The following TSPAN9 variants were observed in gnomAD, a reference collection of about 807,000 sequenced individuals.
TSPAN9 encodes the protein tetraspanin-9.
TSPAN9 carries 16 observed loss-of-function variants against 31.0 expected under a neutral mutation model. The observed-to-expected ratio is 0.52, with a 90% CI of 0.35 to 0.78. TSPAN9 has a LOEUF of 0.78. Ranked by LOEUF, TSPAN9 falls within the 30% of genes least tolerant of loss-of-function variation. The probability of loss-of-function intolerance (pLI) is 0.01; values close to 1 mark genes in which losing one functional copy is unlikely to be tolerated. For synonymous variants in TSPAN9, 145 were observed against 121.6 expected, an observed-to-expected ratio of 1.19 and a Z score of -1.27; for missense variants, 272 against 312.5, an observed-to-expected ratio of 0.87 and a Z score of 0.98.
intron 2 of TSPAN9, among the ~76,000 whole-genome samples, chr12:3,127,419 A>G (rs1309770528): frequency 6.6e-6 from 1 of 151,522 alleles, no homozygotes; most frequent in African/African-American, 2.4e-5. Flanking sequence ...GCAGGGGCGC[A>G]ATCTCGGCTC....
intron 2 of TSPAN9, among the ~76,000 whole-genome samples, chr12:3,116,418 A>G (rs917122281): frequency 6.6e-5 from 10 of 152,176 alleles, no homozygotes; most frequent in African/African-American, 2.4e-4. Context: ...CTAGGTTCTG[A>G]TGAAGATGAA....
Position 3,279,453 on chromosome 12 carries a change from C to T in TSPAN9, c.330+387C>T, listed in dbSNP as rs572758635. On this transcript the variant is annotated intron_variant, in intron 5 of 8. Coordinates refer to ENST00000011898, the MANE Select transcript of TSPAN9 (RefSeq NM_006675.5). The stretch of plus-strand genomic sequence containing the variant: ...TGGGCTGGGTGATTTGAGAGCAAAC[C>T]ATGAAAAACAAGGAGGAACTCTCTG... Among the ~76,000 whole-genome samples the T allele has an allele frequency of 2.0e-5, 3 of 152,316 alleles. No homozygotes were observed. The South Asian group carries it at 6.2e-4, about 32-fold the overall frequency.
intron 3 of TSPAN9, among the ~76,000 whole-genome samples, chr12:3,236,122 A>G (rs1372896866): frequency 6.8e-6 from 1 of 147,872 alleles, no homozygotes; most frequent in African/African-American, 2.4e-5. Flanking sequence ...TGTTTGGAGA[A>G]GAACAGTGCA....
chr12:3,119,580 G>A (rs1021241109), intron 2 of TSPAN9, among the ~76,000 whole-genome samples: 8 of 152,258 alleles, frequency 5.3e-5, no homozygotes, highest in African/African-American at 1.2e-4. Context: ...CTCTCAGCCC[G>A]TCCTGCCCCT....
At chr12:3,148,022 C>G (rs930971802) in intron 2 of TSPAN9, among the ~76,000 whole-genome samples, 3 of 152,104 alleles carry the variant, frequency 2.0e-5, no homozygotes, top group South Asian at 2.1e-4. Context: ...AGAGAAGTCT[C>G]AAGCACTTCA....
At chr12:3,127,416 C>T (rs961279695) in intron 2 of TSPAN9, among the ~76,000 whole-genome samples, 12 of 151,366 alleles carry the variant, frequency 7.9e-5, no homozygotes, top group East Asian at 5.9e-4. Context: ...AGTGCAGGGG[C>T]GCAATCTCGG....
chr12:3,141,367 C>T (rs773160457), intron 2 of TSPAN9, among the ~76,000 whole-genome samples: 3 of 152,176 alleles, frequency 2.0e-5, no homozygotes, highest in Non-Finnish European at 4.4e-5. Flanking sequence ...GCCTGTTCGC[C>T]TCGGTCTCCC....
In TSPAN9 at chr12:3,278,529, A is replaced by G. The variant is rs760472501; in HGVS notation, c.172A>G (p.Ile58Val). 6.2e-7 allele frequency: 1 copy of G among 1,614,170 alleles called. No individual in the cohort carries two copies. Among genetic ancestry groups the G allele is most frequent in the East Asian group, 2.2e-5 (1 of 44,868 alleles). ...FPSLSAANLVIAIGTIVMVTG... is the reference protein window; with the variant it reads ...FPSLSAANLVVAIGTIVMVTG... ...TTCGTTGTCTGCAGCCAACCTGGTC[A>G]TTGCCATAGGCACCATTGTCATGGT... Residue 58 changes from isoleucine to valine, a missense_variant, in exon 4 of 9, where the codon ATT (isoleucine) becomes GTT (valine). Coordinates refer to ENST00000011898, the MANE Select transcript of TSPAN9 (RefSeq NM_006675.5).
intron 2 of TSPAN9, among the ~76,000 whole-genome samples, chr12:3,091,146 A>T (rs1462812110): frequency 6.6e-6 from 1 of 152,212 alleles, no homozygotes; most frequent in Non-Finnish European, 1.5e-5. Flanking sequence ...ACAGGTCTTT[A>T]ACAAAGCTAG....
rs971942448 is a variant in TSPAN9 at position 3,168,947 on chromosome 12, T to C, written c.-17-32230T>C. Among the ~76,000 whole-genome samples the C allele has an allele frequency of 2.0e-5, 3 of 152,214 alleles. No homozygotes were observed. The highest frequency in any genetic ancestry group is 7.2e-5 in the African/African-American group (3 of 41,442). On this transcript the variant is annotated intron_variant, in intron 2 of 8. Transcript: ENST00000011898. The surrounding 1 kb of genome is among the most constrained non-coding windows in gnomAD (Gnocchi z 4.0). ...GGGGAAATACAAGGTGGTGATCTCA[T>C]GTGGCATTAAACGGAGCTGGGAACA... is the stretch of plus-strand genomic sequence containing the variant.
intron 1 of TSPAN9, among the ~76,000 whole-genome samples, chr12:3,079,116 A>G (rs2098296548): frequency 6.6e-6 from 1 of 151,680 alleles, no homozygotes; most frequent in Admixed American, 6.6e-5. Flanking sequence ...AGTAGCTGGG[A>G]TTACAGGCGC....
chr12:3,121,062 A>G (rs2098324845), intron 2 of TSPAN9, among the ~76,000 whole-genome samples: 1 of 152,170 alleles, frequency 6.6e-6, no homozygotes, highest in African/African-American at 2.4e-5. Context: ...CATCTTGTGG[A>G]ATGAGAAGGT....
chr12:3,085,244 G>C (rs1469647001), intron 2 of TSPAN9, among the ~76,000 whole-genome samples: 2 of 151,730 alleles, frequency 1.3e-5, no homozygotes, highest in African/African-American at 4.8e-5. Flanking sequence ...AAGGACTTAA[G>C]GACAAGGGAA....
intron 2 of TSPAN9, among the ~76,000 whole-genome samples, chr12:3,118,429 T>A (rs2098323600): frequency 1.3e-5 from 2 of 151,328 alleles, no homozygotes; most frequent in Admixed American, 1.3e-4. Flanking sequence ...GCCCGGCTAA[T>A]TTTTGTATTT....
chr12:3,137,096 G>T (rs2098332487), intron 2 of TSPAN9, among the ~76,000 whole-genome samples: 1 of 152,208 alleles, frequency 6.6e-6, no homozygotes, highest in Non-Finnish European at 1.5e-5. Flanking sequence ...CTTTCCAATT[G>T]GACCTTCTCA....
chr12:3,267,824 C>T (rs1438600494), intron 3 of TSPAN9, among the ~76,000 whole-genome samples: 2 of 152,138 alleles, frequency 1.3e-5, no homozygotes, highest in Non-Finnish European at 2.9e-5. Flanking sequence ...CCTGGGCAGC[C>T]GTGGCTCTGG....
Position 3,278,514 on chromosome 12 carries a change from G to A in TSPAN9, c.157G>A (p.Ala53Thr). The A allele has an allele frequency of 6.2e-7, 1 of 1,614,226 alleles. No homozygotes were observed. Among genetic ancestry groups the A allele is most frequent in the South Asian group, 1.1e-5 (1 of 91,084 alleles). The change falls in exon 4 of 9, where the codon GCA becomes ACA. Residue 53 changes from alanine to threonine, a missense_variant. Physicochemically the swap from Ala to Thr is moderately conservative, Grantham distance 58. Coordinates refer to ENST00000011898, the MANE Select transcript of TSPAN9 (RefSeq NM_006675.5). The stretch of plus-strand genomic sequence containing the variant: ...CTCCCCCAGCTTCCCTTCGTTGTCT[G>A]CAGCCAACCTGGTCATTGCCATAGG... ...TFSPSFPSLS[A>T]ANLVIAIGTI...
At chr12:3,111,126 C>T (rs1051325904) in intron 2 of TSPAN9, among the ~76,000 whole-genome samples, 11 of 152,172 alleles carry the variant, frequency 7.2e-5, no homozygotes, top group South Asian at 2.1e-4. Context: ...TGTGGCACAA[C>T]GGTGTAAGTC....
intron 3 of TSPAN9, among the ~76,000 whole-genome samples, chr12:3,249,135 G>A (rs1418313173): frequency 6.6e-6 from 1 of 152,190 alleles, no homozygotes; most frequent in Non-Finnish European, 1.5e-5. Flanking sequence ...CATGTTAACA[G>A]CCCTCTCTCT....
Sources: gnomAD v4.1 joint callset for allele counts (sites outside exome capture counted in the v4.1 genomes callset) on GRCh38, gnomAD v4.1.1 for gene constraint, Gnocchi (gnomAD v3.1) non-coding constraint, MANE v1.5 for transcripts, NCBI Gene and HGNC (gene_info 2026-07-23, HGNC 2026-07-21) for gene names.